The following TMEM117 variants were observed in gnomAD, a reference collection of about 807,000 sequenced individuals.
TMEM117 encodes the protein transmembrane protein 117.
A neutral mutation model predicts 52.4 loss-of-function variants in TMEM117; 27 were observed. That is an observed-to-expected ratio of 0.51 (90% confidence interval 0.38 to 0.71). The LOEUF is 0.71. Ranked by LOEUF, TMEM117 falls within the 30% of genes least tolerant of loss-of-function variation. TMEM117 has a pLI of 0.00. For synonymous variants in TMEM117, 215 were observed against 206.3 expected, an observed-to-expected ratio of 1.04 and a Z score of -0.36; for missense variants, 556 against 630.5, an observed-to-expected ratio of 0.88 and a Z score of 1.26.
rs1592673568 is a variant in TMEM117, at chr12:44,296,007, C to T, written c.609-3573C>T. Reference sequence around the variant, plus strand: ...TATTGACCTTCTCCTGTAGGGTTCCCAGCCTGCTAGGATTGGTTTTGGGAC... The same window carrying T: ...TATTGACCTTCTCCTGTAGGGTTCCTAGCCTGCTAGGATTGGTTTTGGGAC... On this transcript the variant is annotated intron_variant, in intron 5 of 7. Transcript: ENST00000266534. Among the ~76,000 whole-genome samples the T allele has an allele frequency of 2.0e-5, 3 of 152,252 alleles. No homozygotes were observed. In the East Asian group the frequency reaches 5.8e-4, roughly 29 times the overall value.
intron 3 of TMEM117, among the ~76,000 whole-genome samples, chr12:44,050,820 G>C (rs1467491390): frequency 2.6e-5 from 4 of 152,130 alleles, no homozygotes; most frequent in Non-Finnish European, 5.9e-5. Context: ...CCTTAAGTTA[G>C]GAATTTACAT....
At chr12:44,302,042 C>T (rs1389635246) in intron 6 of TMEM117, among the ~76,000 whole-genome samples, 1 of 152,180 alleles carries the variant, frequency 6.6e-6, no homozygotes, top group Non-Finnish European at 1.5e-5. Flanking sequence ...GCTAGCCAGG[C>T]CTACTGATTT....
intron 5 of TMEM117, among the ~76,000 whole-genome samples, chr12:44,240,238 T>C (rs1462675311): frequency 1.3e-5 from 2 of 152,172 alleles, no homozygotes; most frequent in Non-Finnish European, 2.9e-5. Context: ...AATTTATGGG[T>C]CACAGTAGAT....
At chr12:44,394,889 G>C in the TMEM117 span, among the ~76,000 whole-genome samples, 1 of 152,288 alleles carries the variant, frequency 6.6e-6, no homozygotes, top group South Asian at 2.1e-4. Context: ...GCAGCCTGTG[G>C]AATCAGGGCA....
intron 5 of TMEM117, among the ~76,000 whole-genome samples, chr12:44,270,500 T>G (rs1333976701): frequency 2.0e-5 from 3 of 152,184 alleles, no homozygotes; most frequent in Non-Finnish European, 4.4e-5. Flanking sequence ...ATTTATCAGT[T>G]CTGTAGCTTT....
intron 3 of TMEM117, among the ~76,000 whole-genome samples, chr12:44,034,822 A>G (rs1428470779): frequency 1.3e-5 from 2 of 152,200 alleles, no homozygotes; most frequent in Admixed American, 1.3e-4. Context: ...TGTGTCTGTA[A>G]GGATGTTTTT....
chr12:44,372,063 G>T (rs117986104), intron 6 of TMEM117, among the ~76,000 whole-genome samples: 1 of 152,142 alleles, frequency 6.6e-6, no homozygotes, highest in African/African-American at 2.4e-5. Context: ...TTGGAGTAGC[G>T]TAATACCTTG....
chr12:43,823,991 C>A, the TMEM117 span, among the ~76,000 whole-genome samples: 1 of 152,134 alleles, frequency 6.6e-6, no homozygotes, highest in South Asian at 2.1e-4. Flanking sequence ...TATACATTCT[C>A]ACAGCAGGAA....
At chr12:43,868,960 TAAG>T (rs2042044206) in intron 2 of TMEM117, among the ~76,000 whole-genome samples, 2 of 152,108 alleles carry the variant, frequency 1.3e-5, no homozygotes, top group Admixed American at 6.5e-5. Flanking sequence ...AAATATTGGT[TAAG>T]AAGCAAAGAG....
At chr12:43,955,943 C>G (rs901802960) in intron 3 of TMEM117, among the ~76,000 whole-genome samples, 6 of 152,054 alleles carry the variant, frequency 3.9e-5, no homozygotes, top group African/African-American at 1.4e-4. Flanking sequence ...CGAAAATAGG[C>G]ACGTAGACCA....
chr12:43,818,931 C>T, the TMEM117 span, among the ~76,000 whole-genome samples: 1 of 152,056 alleles, frequency 6.6e-6, no homozygotes, highest in Non-Finnish European at 1.5e-5. Flanking sequence ...GTCATTTGTT[C>T]TTTCAATTTT....
chr12:44,087,398 A>G (rs1947588047), intron 3 of TMEM117, among the ~76,000 whole-genome samples: 1 of 152,036 alleles, frequency 6.6e-6, no homozygotes, highest in Non-Finnish European at 1.5e-5. Context: ...ATATAACTGA[A>G]TTTGCAGTGT....
At chr12:43,819,951 A>T in the TMEM117 span, among the ~76,000 whole-genome samples, 1 of 152,212 alleles carries the variant, frequency 6.6e-6, no homozygotes, top group Non-Finnish European at 1.5e-5. Flanking sequence ...GGAAAGATCT[A>T]AGCTTATATT....
chr12:44,058,733 A>C (rs1947094632), intron 3 of TMEM117, among the ~76,000 whole-genome samples: 1 of 152,052 alleles, frequency 6.6e-6, no homozygotes, highest in Admixed American at 6.6e-5. Context: ...AGCCCTATAG[A>C]CTCATGGATT....
intron 4 of TMEM117, among the ~76,000 whole-genome samples, chr12:44,152,584 TA>T (rs1948761417): frequency 8.1e-6 from 1 of 123,272 alleles, no homozygotes; most frequent in Non-Finnish European, 1.6e-5. Context: ...TTTATATATA[TA>T]ATATTTATAT....
intron 3 of TMEM117, among the ~76,000 whole-genome samples, chr12:44,122,469 A>T (rs1454946146): frequency 6.6e-6 from 1 of 152,172 alleles, no homozygotes; most frequent in Non-Finnish European, 1.5e-5. Flanking sequence ...ATAGGCAAAC[A>T]TGTGCCATGG....
At chr12:44,224,336 C>G (rs533467774) in intron 5 of TMEM117, among the ~76,000 whole-genome samples, 1 of 152,110 alleles carries the variant, frequency 6.6e-6, no homozygotes, top group Non-Finnish European at 1.5e-5. Context: ...GCCCAAGAAC[C>G]CAAAATATAC....
intron 6 of TMEM117, among the ~76,000 whole-genome samples, chr12:44,336,874 A>G (rs928061573): frequency 3.9e-5 from 6 of 152,080 alleles, no homozygotes; most frequent in African/African-American, 1.4e-4. Context: ...GTAAACATCA[A>G]TCAGACCTAC....
chr12:44,182,748 C>A (rs1438808899), intron 4 of TMEM117, among the ~76,000 whole-genome samples: 1 of 152,002 alleles, frequency 6.6e-6, no homozygotes, highest in African/African-American at 2.4e-5. Flanking sequence ...ACCTGAATTT[C>A]AGCAAGTGGA....
Sources: allele counts gnomAD v4.1 joint callset (sites outside exome capture counted in the v4.1 genomes callset), GRCh38; gene constraint gnomAD v4.1.1; transcripts MANE v1.5; gene names NCBI Gene and HGNC (gene_info 2026-07-23, HGNC 2026-07-21).